Variants in PCNT observed in about 807,000 individuals in gnomAD.
The protein encoded by PCNT is pericentrin.
PCNT carries 319 observed loss-of-function variants against 380.4 expected under a neutral mutation model. The ratio of observed to expected loss-of-function variants is 0.84; its 90% CI spans 0.77 to 0.92. PCNT has a LOEUF of 0.92. Among genes scored for constraint, PCNT ranks in the 40% least tolerant of loss-of-function variants. The pLI is 0.00. For missense variants in PCNT, 4,400 were observed against 4,255.3 expected, an observed-to-expected ratio of 1.03 and a Z score of -0.95; for synonymous variants, 1,845 against 1,735.2, an observed-to-expected ratio of 1.06 and a Z score of -1.57.
chr21:46,370,943 G>T (rs576469594), intron 15 of PCNT, among the ~76,000 whole-genome samples: 96 of 152,344 alleles, frequency 6.3e-4, no homozygotes, highest in Non-Finnish European at 9.8e-4. Context: ...GTTGAAGCAG[G>T]AGAGTGGTGT....
At position 46,430,579 on chromosome 21, in the gene PCNT, G is replaced by T. The variant is rs749181058; in HGVS notation, c.7986G>T (p.Gly2662=). The T allele has an allele frequency of 2.6e-6, 4 of 1,562,232 alleles. No homozygotes were observed. The highest frequency in any genetic ancestry group is 3.5e-6 in the Non-Finnish European group (4 of 1,153,786). The change falls in exon 37 of 47, where the codon GGG becomes GGT. Residue 2662 remains glycine (G), a synonymous_variant. Transcript: ENST00000359568. ...AGCTGGAGAGTGAGCAGGGGAAGGG[G>T]CGTGCCCTGCAGAGCCAGCTGGAGG... ...LQELESEQGK[G]RALQSQLEEE... is the part of the protein sequence containing the mutation.
intron 36 of PCNT, 28 bp downstream of exon 36, chr21:46,430,260 C>G: frequency 6.3e-7 from 1 of 1,586,778 alleles, no homozygotes; most frequent in Non-Finnish European, 8.6e-7. Context: ...TCCTGGGACA[C>G]TGGCGGGAGT....
intron 29 of PCNT, among the ~76,000 whole-genome samples, chr21:46,414,723 A>G (rs113357723): frequency 0.41 from 14,750 of 35,642 alleles, 2,818 homozygotes; most frequent in African/African-American, 0.62. Context: ...TCCTGGACAC[A>G]CAGCTGCCCA....
At chr21:46,435,034 A>C (rs975428665) in intron 38 of PCNT, among the ~76,000 whole-genome samples, 4 of 152,140 alleles carry the variant, frequency 2.6e-5, no homozygotes, top group South Asian at 2.1e-4. Flanking sequence ...GGGGTGTGTG[A>C]TTCAGCTGCC....
intron 13 of PCNT, among the ~76,000 whole-genome samples, chr21:46,362,069 G>C (rs1479325048): frequency 6.6e-6 from 1 of 152,220 alleles, no homozygotes; most frequent in Non-Finnish European, 1.5e-5. Flanking sequence ...GCAGCAGGCA[G>C]TTCACTCGGG....
chr21:46,356,476 C>T (rs11700468), intron 12 of PCNT, among the ~76,000 whole-genome samples: 27,657 of 152,168 alleles, frequency 0.18, 2,978 homozygotes, highest in East Asian at 0.43. Context: ...CTTTTTTCCT[C>T]TTCTGCAGAA....
intron 40 of PCNT, among the ~76,000 whole-genome samples, chr21:46,437,507 G>A (rs1025925386): frequency 6.6e-6 from 1 of 152,224 alleles, no homozygotes; most frequent in African/African-American, 2.4e-5. Context: ...ACCTGGCCCA[G>A]CCTGCTGGCT....
intron 30 of PCNT, among the ~76,000 whole-genome samples, 179 bp downstream of exon 30, chr21:46,417,018 A>G (rs2087053153): frequency 6.6e-6 from 1 of 152,082 alleles, no homozygotes; most frequent in African/African-American, 2.4e-5. Context: ...TTGTTCAGGT[A>G]TTTTTAAAAT....
At chr21:46,436,546 T>C (rs1444212055) in intron 39 of PCNT, among the ~76,000 whole-genome samples, 3 of 143,392 alleles carry the variant, frequency 2.1e-5, no homozygotes, top group Non-Finnish European at 3.0e-5. Context: ...GATCGTGATA[T>C]TTCATATGGG....
chr21:46,401,424 A>G, intron 25 of PCNT, 127 bp from the exon 26 acceptor site: 2 of 771,826 alleles, frequency 2.6e-6, no homozygotes, highest in East Asian at 5.3e-5. Context: ...CACTGAGTGC[A>G]GGGGCGTGCA....
chr21:46,347,297 G>C (rs550140026), intron 5 of PCNT, among the ~76,000 whole-genome samples, 160 bp from the exon 6 acceptor site: 1 of 152,304 alleles, frequency 6.6e-6, no homozygotes, highest in East Asian at 1.9e-4. Flanking sequence ...GGTGTCCTCA[G>C]TTTGTTATTA....
At chr21:46,442,467 T>A in intron 43 of PCNT, 30 bp from the exon 44 acceptor site, 2 of 1,429,244 alleles carry the variant, frequency 1.4e-6, no homozygotes, top group Non-Finnish European at 2.0e-6. Context: ...TGCCGTACTT[T>A]TAAGTGTGTC....
chr21:46,442,585 G>T lies in PCNT; in HGVS notation c.9700+12G>T. 1.3e-6 allele frequency: 2 copies of T among 1,553,590 alleles called. No individual in the cohort carries two copies. Among genetic ancestry groups the T allele is most frequent in the Non-Finnish European group, 1.8e-6 (2 of 1,124,778 alleles). ...AGCCCCTCGCCCAGGTGGGACTCCA[G>T]CTGCTGTTGACCGCTGGACTCACAA... On this transcript the variant is annotated intron_variant, in intron 44 of 46. Transcript: ENST00000359568.
rs962028267 is a variant in PCNT, at chr21:46,430,577, G to A, written c.7984G>A (p.Gly2662Arg). Residue 2662 changes from glycine (G) to arginine (R), a missense_variant, in exon 37 of 47, where the codon GGG becomes AGG. Gly to Arg is a moderately radical substitution (Grantham distance 125, BLOSUM62 -2). Coordinates refer to ENST00000359568, the MANE Select transcript of PCNT (RefSeq NM_006031.6). Reference sequence around the variant, plus strand: ...GGAGCTGGAGAGTGAGCAGGGGAAGGGGCGTGCCCTGCAGAGCCAGCTGGA... The same window carrying A: ...GGAGCTGGAGAGTGAGCAGGGGAAGAGGCGTGCCCTGCAGAGCCAGCTGGA... ...LQELESEQGK[G>R]RALQSQLEEE... 1.9e-6 allele frequency: 3 copies of A among 1,561,844 alleles called. No individual in the cohort carries two copies. The African/African-American group carries it at 4.1e-5, about 21-fold the overall frequency.
chr21:46,363,117 C>T (rs4819242), intron 13 of PCNT, among the ~76,000 whole-genome samples: 104,819 of 152,120 alleles, frequency 0.69, 37,879 homozygotes, highest in East Asian at 0.8. Context: ...CAGAGGCCTG[C>T]GGCCGATCTG....
At chr21:46,387,751 G>C (rs917166274) in intron 17 of PCNT, among the ~76,000 whole-genome samples, 1 of 152,142 alleles carries the variant, frequency 6.6e-6, no homozygotes, top group African/African-American at 2.4e-5. Context: ...TGCTCCTCAG[G>C]GTTGGGCTCT....
chr21:46,368,409 G>C (rs1009970146), intron 15 of PCNT, among the ~76,000 whole-genome samples: 15 of 151,634 alleles, frequency 9.9e-5, no homozygotes, highest in Admixed American at 5.2e-4. Flanking sequence ...GATCGCACCA[G>C]TGCACTCCAG....
intron 12 of PCNT, among the ~76,000 whole-genome samples, chr21:46,355,859 C>G (rs2084455725): frequency 6.6e-6 from 1 of 152,192 alleles, no homozygotes; most frequent in Admixed American, 6.5e-5. Context: ...CCCAGCAGGG[C>G]AGGTCTGACC....
chr21:46,445,309 C>A lies in PCNT; in HGVS notation c.9993C>A (p.His3331Gln). Residue 3331 changes from histidine to glutamine, a missense_variant, in exon 47 of 47, where the codon CAC becomes CAA. His to Gln is a conservative substitution (Grantham distance 24, BLOSUM62 0). Coordinates refer to ENST00000359568, the MANE Select transcript of PCNT (RefSeq NM_006031.6). Reference protein sequence around the residue: ...LPDSTSKKSCHPMIKQ With the variant: ...LPDSTSKKSCQPMIKQ ...ATTCTACTTCAAAGAAATCCTGCCA[C>A]CCGATGATTAAACAGTGAATAAAAT... is the stretch of plus-strand genomic sequence containing the variant. 3 of 1,608,840 alleles carry A rather than the reference C, an allele frequency of 1.9e-6. No homozygotes were observed. The highest frequency in any genetic ancestry group is 2.6e-6 in the Non-Finnish European group (3 of 1,175,160).
Sources: allele counts gnomAD v4.1 joint callset (sites outside exome capture counted in the v4.1 genomes callset), GRCh38; gene constraint gnomAD v4.1.1; transcripts MANE v1.5; gene names NCBI Gene and HGNC (gene_info 2026-07-23, HGNC 2026-07-21).